Variants in PRKN observed in about 807,000 individuals in gnomAD.
PRKN encodes the protein E3 ubiquitin-protein ligase parkin.
In PRKN, 56 loss-of-function variants were observed where a neutral mutation model predicts 59.5. That is an observed-to-expected ratio of 0.94 (90% CI 0.76 to 1.18). The LOEUF is 1.18. Ranked by LOEUF, PRKN falls within the 50% of genes most tolerant of loss-of-function variation. The pLI is 0.00. For synonymous variants in PRKN, 250 were observed against 222.1 expected (o/e 1.13, Z -1.12); for missense variants, 657 against 596.4 (o/e 1.10, Z -1.06).
intron 2 of PRKN, among the ~76,000 whole-genome samples, chr6:162,385,091 AATC>A (rs1273469178): frequency 6.6e-6 from 1 of 152,118 alleles, no homozygotes; most frequent in Non-Finnish European, 1.5e-5. Flanking sequence ...AGACATACAG[AATC>A]ATATTAATTA....
chr6:162,505,594 C>T (rs1793573292), intron 1 of PRKN, among the ~76,000 whole-genome samples: 1 of 152,036 alleles, frequency 6.6e-6, no homozygotes, highest in Non-Finnish European at 1.5e-5. Flanking sequence ...AGCTTCAAAA[C>T]CAAAATCTGA....
chr6:161,936,609 C>A (rs1431837627), intron 6 of PRKN, among the ~76,000 whole-genome samples: 1 of 151,958 alleles, frequency 6.6e-6, no homozygotes. Context: ...TTTGAGAAAG[C>A]CAAAGCTTTA....
intron 5 of PRKN, among the ~76,000 whole-genome samples, chr6:162,012,297 C>T (rs562236272): frequency 6.6e-6 from 1 of 151,890 alleles, no homozygotes; most frequent in Non-Finnish European, 1.5e-5. Flanking sequence ...ATTTTTTTCA[C>T]GTTTAGTTTA....
At chr6:162,601,716 TGAG>T (rs769481555) in intron 1 of PRKN, among the ~76,000 whole-genome samples, 97 of 152,326 alleles carry the variant, frequency 6.4e-4, no homozygotes, top group Non-Finnish European at 1.2e-3. Context: ...TTTTTATATA[TGAG>T]GAGTACATTT....
chr6:162,148,816 A>G (rs1782137901), intron 4 of PRKN, among the ~76,000 whole-genome samples: 1 of 152,220 alleles, frequency 6.6e-6, no homozygotes, highest in African/African-American at 2.4e-5. Context: ...CAAAAAGTTC[A>G]AGGATGGGTA....
chr6:161,960,366 C>T (rs189046489), intron 6 of PRKN, among the ~76,000 whole-genome samples: 34 of 152,120 alleles, frequency 2.2e-4, no homozygotes, highest in East Asian at 1.2e-3. Flanking sequence ...TGGAGACAAA[C>T]GCAAAAGACA....
rs1781599309 is a variant in PRKN at position 161,588,501 on chromosome 6, G to C, written c.872-19085C>G. 6.6e-6 allele frequency among the ~76,000 whole-genome samples: 1 copy of C among 152,046 alleles called. No individual in the cohort carries two copies. The highest frequency in any genetic ancestry group is 6.5e-5 in the Admixed American group (1 of 15,270). ...ATTTAAGGATATTTGCAACAAACAA[G>C]TTGGTTTGCTGGTGTTGCTCTTGCT... On this transcript the variant is annotated intron_variant, in intron 7 of 11. Transcript: ENST00000366898. The surrounding 1 kb of genome is among the most constrained non-coding windows in gnomAD (Gnocchi z 5.0).
intron 1 of PRKN, among the ~76,000 whole-genome samples, chr6:162,703,265 A>C (rs1422697781): frequency 6.6e-6 from 1 of 152,256 alleles, no homozygotes; most frequent in Non-Finnish European, 1.5e-5. Context: ...ACTACAATAC[A>C]ATGACGTAAA....
At chr6:162,381,984 C>T (rs1406928927) in intron 2 of PRKN, among the ~76,000 whole-genome samples, 2 of 152,132 alleles carry the variant, frequency 1.3e-5, no homozygotes, top group Non-Finnish European at 2.9e-5. Flanking sequence ...GCAGACCTCC[C>T]AGACTCGTGG....
chr6:162,432,706 A>G (rs926210145), intron 2 of PRKN, among the ~76,000 whole-genome samples: 29 of 152,230 alleles, frequency 1.9e-4, no homozygotes, highest in Non-Finnish European at 3.8e-4. Flanking sequence ...AGGCAAAAAT[A>G]TAACTATTTA....
intron 2 of PRKN, among the ~76,000 whole-genome samples, chr6:162,349,511 C>A (rs868282203): frequency 1.3e-5 from 2 of 151,280 alleles, no homozygotes; most frequent in African/African-American, 4.9e-5. Flanking sequence ...TACTTTCCAA[C>A]TCAATGAAGC....
intron 2 of PRKN, among the ~76,000 whole-genome samples, chr6:162,350,951 G>T (rs73028973): frequency 6.6e-6 from 1 of 152,214 alleles, no homozygotes; most frequent in Non-Finnish European, 1.5e-5. Context: ...CTGTAATGTA[G>T]CACATGCAGA....
intron 9 of PRKN, among the ~76,000 whole-genome samples, chr6:161,524,726 A>G (rs1221002589): frequency 1.3e-5 from 2 of 152,184 alleles, no homozygotes; most frequent in Non-Finnish European, 2.9e-5. Flanking sequence ...TAAACAAAAA[A>G]TGGTGAATCT....
chr6:161,872,430 T>C (rs1295257713), intron 6 of PRKN, among the ~76,000 whole-genome samples: 1 of 152,150 alleles, frequency 6.6e-6, no homozygotes, highest in Non-Finnish European at 1.5e-5. Context: ...ATCTTCTCCA[T>C]TGCATCAAGT....
intron 2 of PRKN, among the ~76,000 whole-genome samples, chr6:162,411,812 C>G (rs1788367564): frequency 6.6e-6 from 1 of 152,092 alleles, no homozygotes; most frequent in Non-Finnish European, 1.5e-5. Context: ...CTCTAACCTC[C>G]TCAGGCTCAC....
chr6:162,035,147 G>C (rs1028909981), intron 5 of PRKN, among the ~76,000 whole-genome samples: 1 of 134,378 alleles, frequency 7.4e-6, no homozygotes, highest in Non-Finnish European at 1.5e-5. Flanking sequence ...AGAGGAAAGG[G>C]GCCCAGGCCA....
intron 6 of PRKN, among the ~76,000 whole-genome samples, chr6:161,867,737 T>TTTTATTTA (rs1554236141): frequency 1.1e-4 from 8 of 72,762 alleles, no homozygotes; most frequent in Non-Finnish European, 1.5e-4. Flanking sequence ...GGGAAAAATC[T>TTTTATTTA]TTCATTTATT....
intron 3 of PRKN, among the ~76,000 whole-genome samples, chr6:162,206,358 T>C (rs1284212675): frequency 6.6e-6 from 1 of 152,174 alleles, no homozygotes; most frequent in Non-Finnish European, 1.5e-5. Flanking sequence ...TCTCATCCTC[T>C]TCGAACAGCT....
chr6:162,192,041 GA>G (rs773195564), intron 4 of PRKN, among the ~76,000 whole-genome samples: 10 of 152,136 alleles, frequency 6.6e-5, no homozygotes, highest in Non-Finnish European at 1.3e-4. Flanking sequence ...TAAGACATAT[GA>G]AAAACGTTCT....
Sources: allele counts gnomAD v4.1 joint callset (sites outside exome capture counted in the v4.1 genomes callset), GRCh38; gene constraint gnomAD v4.1.1; non-coding constraint Gnocchi (gnomAD v3.1); transcripts MANE v1.5; gene names NCBI Gene and HGNC (gene_info 2026-07-23, HGNC 2026-07-21).